PTPRD: variants seen among roughly 807,000 people sequenced by gnomAD.
The protein encoded by PTPRD is receptor-type tyrosine-protein phosphatase delta.
Under a neutral mutation model 214.5 loss-of-function variants are expected in PTPRD, and 34 were observed. The ratio of observed to expected loss-of-function variants is 0.16; its 90% confidence interval spans 0.12 to 0.21. PTPRD has a LOEUF of 0.21. Ranked by LOEUF, PTPRD falls within the 10% of genes least tolerant of loss-of-function variation. The probability of loss-of-function intolerance (pLI) is 1.00; values close to 1 mark genes in which losing one functional copy is unlikely to be tolerated. For missense variants in PTPRD, 2,545 were observed against 2,398.7 expected, an observed-to-expected ratio of 1.06 and a Z score of -1.27; for synonymous variants, 1,128 against 845.7, an observed-to-expected ratio of 1.33 and a Z score of -5.79.
At chr9:9,672,080 A>G (rs552672109) in intron 7 of PTPRD, among the ~76,000 whole-genome samples, 1 of 152,332 alleles carries the variant, frequency 6.6e-6, no homozygotes, top group South Asian at 2.1e-4. Context: ...GAAATGAATC[A>G]CATTGAACTA....
intron 10 of PTPRD, among the ~76,000 whole-genome samples, chr9:9,173,743 G>C (rs1430815519): frequency 6.6e-6 from 1 of 152,060 alleles, no homozygotes; most frequent in Admixed American, 6.6e-5. Context: ...GTTGACCATG[G>C]ACCATTGTTA....
intron 2 of PTPRD, among the ~76,000 whole-genome samples, chr9:10,443,122 G>A (rs1311558927): frequency 6.6e-6 from 1 of 150,564 alleles, no homozygotes; most frequent in Non-Finnish European, 1.5e-5. Context: ...TGGTGTTTGT[G>A]TTTTTTTATT....
chr9:10,008,850 AC>A (rs1454487636), intron 4 of PTPRD, among the ~76,000 whole-genome samples: 3 of 152,048 alleles, frequency 2.0e-5, no homozygotes, highest in African/African-American at 4.8e-5. Context: ...ATAAAGAACC[AC>A]ACTTGCCTCT....
At chr9:8,630,318 G>C (rs1368176384) in intron 14 of PTPRD, among the ~76,000 whole-genome samples, 1 of 151,724 alleles carries the variant, frequency 6.6e-6, no homozygotes, top group African/African-American at 2.4e-5. Context: ...CTCAACTGTG[G>C]TATAAACCTC....
chr9:8,888,348 T>C (rs1361217176), intron 11 of PTPRD, among the ~76,000 whole-genome samples: 1 of 152,200 alleles, frequency 6.6e-6, no homozygotes, highest in East Asian at 1.9e-4. Context: ...TTGGGTGATA[T>C]AATCTGGATA....
At chr9:9,370,676 C>A (rs1198046742) in intron 9 of PTPRD, among the ~76,000 whole-genome samples, 2 of 152,046 alleles carry the variant, frequency 1.3e-5, no homozygotes, top group East Asian at 1.9e-4. Context: ...GAGAGGGCAT[C>A]CCTGTCTTGT....
At chr9:10,140,571 G>C (rs2098977005) in intron 3 of PTPRD, among the ~76,000 whole-genome samples, 1 of 152,030 alleles carries the variant, frequency 6.6e-6, no homozygotes, top group Non-Finnish European at 1.5e-5. Context: ...TCTCTGAATA[G>C]ACCAAGAACA....
At chr9:10,593,812 T>G (rs184982409) in intron 2 of PTPRD, among the ~76,000 whole-genome samples, 2 of 152,138 alleles carry the variant, frequency 1.3e-5, no homozygotes, top group Admixed American at 1.3e-4. Context: ...ATTTGTAACC[T>G]TGAAAAAAAT....
Position 9,404,279 on chromosome 9 carries a change from G to A in PTPRD, c.-236-6797C>T, listed in dbSNP as rs565285897. Among the ~76,000 whole-genome samples the A allele has an allele frequency of 5.3e-5, 8 of 152,168 alleles. No individual in the cohort carries two copies. The South Asian group carries it at 1.7e-3, about 31-fold the overall frequency. On this transcript the variant is annotated intron_variant, in intron 8 of 45. Coordinates refer to ENST00000381196, the MANE Select transcript of PTPRD (RefSeq NM_002839.4). ...GCCTCCGGCTACTCTGTAGAAAACTGAAAGCCAAGGAAGGAGCAAAAACTG... is the reference window on the plus strand; with the variant it reads ...GCCTCCGGCTACTCTGTAGAAAACTAAAAGCCAAGGAAGGAGCAAAAACTG...
chr9:9,011,392 A>G (rs916200009), intron 11 of PTPRD, among the ~76,000 whole-genome samples: 7 of 152,198 alleles, frequency 4.6e-5, no homozygotes, highest in Admixed American at 1.3e-4. Flanking sequence ...TATATGGTAA[A>G]ATACATATTA....
chr9:9,592,801 T>C (rs371993388), intron 7 of PTPRD, among the ~76,000 whole-genome samples: 6 of 151,952 alleles, frequency 3.9e-5, no homozygotes, highest in East Asian at 1.9e-4. Context: ...TCCCAGCACT[T>C]TGGGAGGTTG....
At chr9:10,150,462 G>T (rs1382892796) in intron 3 of PTPRD, among the ~76,000 whole-genome samples, 4 of 151,898 alleles carry the variant, frequency 2.6e-5, no homozygotes. Context: ...ATTGAACAAC[G>T]AGAACACATG....
intron 9 of PTPRD, among the ~76,000 whole-genome samples, chr9:9,199,022 G>A (rs187722466): frequency 1.3e-5 from 2 of 152,206 alleles, no homozygotes; most frequent in East Asian, 3.9e-4. Flanking sequence ...TATTTATATA[G>A]TACCAAAGAC....
intron 10 of PTPRD, among the ~76,000 whole-genome samples, chr9:9,120,655 C>T (rs752258673): frequency 3.4e-4 from 52 of 152,152 alleles, no homozygotes; most frequent in Admixed American, 1.1e-3. Flanking sequence ...GGTAAAAATT[C>T]ATCTTCTCAG....
intron 9 of PTPRD, among the ~76,000 whole-genome samples, chr9:9,314,168 A>C (rs1272516376): frequency 6.6e-6 from 1 of 152,094 alleles, no homozygotes; most frequent in Non-Finnish European, 1.5e-5. Flanking sequence ...GAATATGGTA[A>C]TTTTCATAAT....
intron 33 of PTPRD, among the ~76,000 whole-genome samples, chr9:8,456,209 T>A (rs953449980): frequency 3.9e-5 from 6 of 152,082 alleles, no homozygotes; most frequent in Non-Finnish European, 8.8e-5. Context: ...TGCAGTTTAG[T>A]GGAGGCAAAG....
At chr9:9,972,235 TAAATAGC>T (rs1243115146) in intron 4 of PTPRD, among the ~76,000 whole-genome samples, 1 of 152,208 alleles carries the variant, frequency 6.6e-6, no homozygotes, top group Admixed American at 6.5e-5. Context: ...TTTGCCACAT[TAAATAGC>T]AAACATACAG....
chr9:9,292,996 G>C (rs770507956), intron 9 of PTPRD, among the ~76,000 whole-genome samples: 1 of 151,470 alleles, frequency 6.6e-6, no homozygotes, highest in Non-Finnish European at 1.5e-5. Flanking sequence ...GGTAGTGCTT[G>C]TTAGCTTTCT....
At chr9:9,398,775 T>C (rs904072562) in intron 8 of PTPRD, among the ~76,000 whole-genome samples, 2 of 151,982 alleles carry the variant, frequency 1.3e-5, no homozygotes, top group Admixed American at 1.3e-4. Context: ...AAAGTTAGTG[T>C]TTTGAGGAAC....
Sources: gnomAD v4.1 joint callset for allele counts (sites outside exome capture counted in the v4.1 genomes callset) on GRCh38, gnomAD v4.1.1 for gene constraint, MANE v1.5 for transcripts, NCBI Gene and HGNC (gene_info 2026-07-23, HGNC 2026-07-21) for gene names.